TMEM132A: variants seen among roughly 807,000 people sequenced by gnomAD.
TMEM132A encodes GRP78-binding protein.
A neutral mutation model predicts 69.9 loss-of-function variants in TMEM132A; 48 were observed. That is an observed-to-expected ratio of 0.69 (90% CI 0.55 to 0.87). TMEM132A has a LOEUF of 0.87. Among genes scored for constraint, TMEM132A ranks in the 40% least tolerant of loss-of-function variants. The pLI, the probability that TMEM132A is intolerant of heterozygous loss-of-function variation, is 0.00. For synonymous variants in TMEM132A, 577 were observed against 613.7 expected (o/e 0.94, Z 0.88); for missense variants, 1,287 against 1,407.2 (o/e 0.91, Z 1.37).
chr11:60,932,194 T>G, intron 7 of TMEM132A, 67 bp downstream of exon 7: 1 of 1,470,578 alleles, frequency 6.8e-7, no homozygotes, highest in South Asian at 1.5e-5. Context: ...ACACACACCT[T>G]TCCTCCTTCC....
chr11:60,928,986 T>C, intron 4 of TMEM132A, 26 bp downstream of exon 4: 2 of 1,609,360 alleles, frequency 1.2e-6, no homozygotes, highest in Admixed American at 1.7e-5. Context: ...CGGGGATGGG[T>C]GAGGGTGGGA....
intron 6 of TMEM132A, 26 bp from the exon 7 acceptor site, chr11:60,931,958 G>C (rs1251775301): frequency 1.1e-5 from 18 of 1,612,438 alleles, no homozygotes; most frequent in Non-Finnish European, 1.4e-5. Flanking sequence ...GAGGGGCCTG[G>C]GGCTGAGCCC....
At position 60,936,777 on chromosome 11, in the gene TMEM132A, T is replaced by C; in HGVS notation, c.2942T>C (p.Val981Ala). Residue 981 changes from valine (V) to alanine (A), a missense_variant, in exon 11 of 11, where the codon GTA becomes GCA. By Grantham distance (64) the Val-to-Ala change is moderately conservative. Coordinates refer to ENST00000453848, the MANE Select transcript of TMEM132A (RefSeq NM_178031.3). ...CCAGCCCAGTCACCTGAGGAGCCTG[T>C]AGGGGCCCCTGCTGTGCAGTCCATC... The part of the protein sequence containing the change: ...APPAQSPEEP[V>A]GAPAVQSILV... The C allele has an allele frequency of 6.2e-7, 1 of 1,613,008 alleles. No individual in the cohort carries two copies. The highest frequency in any genetic ancestry group is 8.5e-7 in the Non-Finnish European group (1 of 1,179,610).
chr11:60,932,331 C>T (rs1272886969), intron 7 of TMEM132A: 2 of 549,528 alleles, frequency 3.6e-6, no homozygotes, highest in Admixed American at 3.8e-5. Context: ...AGCCCCCCGA[C>T]CTTAGACACT....
chr11:60,932,118 G>T lies in TMEM132A; in HGVS notation c.1347G>T (p.Gln449His), dbSNP rs760853384. ...TCGGCTGCGAGTCTGCCAACACACA[G>T]GTCCTGCAGGTGAGTGGCAGGTGCC... ...EHVGCESANTQVLQVSEACDA... is the reference protein window; with the variant it reads ...EHVGCESANTHVLQVSEACDA... The change falls in exon 7 of 11, where the codon CAG becomes CAT. Residue 449 changes from glutamine to histidine, a missense_variant. Coordinates refer to ENST00000453848, the MANE Select transcript of TMEM132A (RefSeq NM_178031.3). 2.0e-6 allele frequency: 3 copies of T among 1,536,442 alleles called. No homozygotes were observed. The highest frequency in any genetic ancestry group is 1.4e-5 in the African/African-American group (1 of 72,272).
intron 1 of TMEM132A, 80 bp downstream of exon 1, chr11:60,924,813 C>A: frequency 9.4e-7 from 1 of 1,063,228 alleles, no homozygotes. Context: ...GAGCCACCAA[C>A]CTTTGGGTTC....
chr11:60,935,161 G>A lies in TMEM132A; in HGVS notation c.1837-91G>A, dbSNP rs1856563035. 5.4e-6 allele frequency: 7 copies of A among 1,285,884 alleles called. No homozygotes were observed. In the Admixed American group the frequency reaches 1.3e-4, roughly 24 times the overall value. The allele number at this position is 1,285,884 out of a possible 1,614,324, so 79.7% of individuals were successfully genotyped here. A position where few individuals can be genotyped will look rare whatever the true frequency, so the allele number is the denominator to read the frequency against. On this transcript the variant is annotated intron_variant, in intron 9 of 10. Coordinates refer to ENST00000453848, the MANE Select transcript of TMEM132A (RefSeq NM_178031.3). The surrounding 1 kb of genome is among the most constrained non-coding windows in gnomAD (Gnocchi z 5.0). ...AGACCTCCCCCACCTCCGGAGGGCA[G>A]CCCGTGAGGGTGCTGGGAGCACCCG... is the stretch of plus-strand genomic sequence containing the variant.
chr11:60,930,411 A>G, intron 4 of TMEM132A, 99 bp from the exon 5 acceptor site: 1 of 1,381,424 alleles, frequency 7.2e-7, no homozygotes, highest in Non-Finnish European at 9.7e-7. Flanking sequence ...GACTGGAGCC[A>G]GGGAGGTCAG....
Position 60,934,529 on chromosome 11 carries a change from G to T in TMEM132A, c.1601G>T (p.Arg534Leu). The change falls in exon 9 of 11, where the codon CGG becomes CTG. Residue 534 changes from arginine (R) to leucine (L), a missense_variant. Arg to Leu is a moderately radical substitution (Grantham distance 102). Transcript: ENST00000453848. ...GCAGAGGCGTCGGATGAGGCCGAGC[G>T]GCGCGCCCGTGGCTGCCACCTGCAG... Reference protein sequence around the residue: ...PAAEASDEAERRARGCHLQYQ... With the variant: ...PAAEASDEAELRARGCHLQYQ... The T allele has an allele frequency of 6.9e-7, 1 of 1,457,670 alleles. No individual in the cohort carries two copies. The highest frequency in any genetic ancestry group is 9.0e-7 in the Non-Finnish European group (1 of 1,114,754). 90.3% of individuals were successfully genotyped at this position (1,457,670 alleles called of 1,614,324 possible). A position where few individuals can be genotyped will look rare whatever the true frequency, so the allele number is the denominator to read the frequency against.
intron 8 of TMEM132A, chr11:60,933,984 C>A: frequency 1.7e-6 from 1 of 573,392 alleles, no homozygotes; most frequent in Middle Eastern, 4.6e-4. Context: ...CCTCCACTTC[C>A]TAATCTACGT....
rs1271089384 is a variant in TMEM132A at position 60,933,599 on chromosome 11, G to A, written c.1414G>A (p.Gly472Arg). 1 of 1,607,222 alleles carries A rather than the reference G, an allele frequency of 6.2e-7. No homozygotes were observed. The highest frequency in any genetic ancestry group is 2.2e-5 in the East Asian group (1 of 44,862). ...VAGKESRGAR[G>R]VRVDFWWRRL... ...TGGCAAGGAGAGCCGGGGCGCCCGGGGGGTGCGAGTGGACTTCTGGTGGCG... is the reference window on the plus strand; with the variant it reads ...TGGCAAGGAGAGCCGGGGCGCCCGGAGGGTGCGAGTGGACTTCTGGTGGCG... Residue 472 changes from glycine (G) to arginine (R), a missense_variant, in exon 8 of 11, where the codon GGG becomes AGG. Physicochemically the swap from Gly to Arg is moderately radical, Grantham distance 125. Transcript: ENST00000453848.
At chr11:60,933,817 G>A (rs192870388) in intron 8 of TMEM132A, 73 bp downstream of exon 8, 2 of 1,382,516 alleles carry the variant, frequency 1.4e-6, no homozygotes, top group East Asian at 2.6e-5. Context: ...AGGGGACACA[G>A]CCATGGGCCC....
chr11:60,936,948 A>C lies in TMEM132A; in HGVS notation c.*41A>C. On this transcript the variant is annotated 3_prime_UTR_variant, in exon 11 of 11. Transcript: ENST00000453848. Reference sequence around the variant, plus strand: ...TGGTCAGCCACCAGCTGGGGCAACGAGGGTGGAGGTCCCACTGAGCCTCTC... The same window carrying C: ...TGGTCAGCCACCAGCTGGGGCAACGCGGGTGGAGGTCCCACTGAGCCTCTC... The C allele has an allele frequency of 6.8e-7, 1 of 1,480,668 alleles. No homozygotes were observed. Among genetic ancestry groups the C allele is most frequent in the Non-Finnish European group, 9.0e-7 (1 of 1,111,118 alleles). 91.7% of individuals were successfully genotyped at this position (1,480,668 alleles called of 1,614,324 possible). A position where few individuals can be genotyped will look rare whatever the true frequency, so the allele number is the denominator to read the frequency against.
Position 60,933,720 on chromosome 11 carries a change from G to A in TMEM132A, c.1535G>A (p.Trp512Ter), listed in dbSNP as rs1306325364. Residue 512 changes from tryptophan to a stop codon, truncating the protein, a stop_gained, in exon 8 of 11, where the codon TGG (tryptophan) becomes TAG (stop). Coordinates refer to ENST00000453848, the MANE Select transcript of TMEM132A (RefSeq NM_178031.3). LOFTEE classifies it high-confidence loss of function. ...TDTTLEQVRGWRVPGPAEGPA... is the reference protein window; with the variant it reads ...TDTTLEQVRG ...ACCACCCTCGAGCAGGTCCGCGGCT[G>A]GAGGGTACCTGGCCCTGCTGAAGGG... 2 of 1,588,560 alleles carry A rather than the reference G, an allele frequency of 1.3e-6. No homozygotes were observed. Among genetic ancestry groups the A allele is most frequent in the Non-Finnish European group, 1.7e-6 (2 of 1,168,890 alleles).
intron 1 of TMEM132A, chr11:60,925,370 AG>A (rs1856327573): frequency 6.6e-6 from 1 of 152,366 alleles, no homozygotes; most frequent in Admixed American, 6.5e-5. Context: ...TGCAAGGCAA[AG>A]GATGCCACAG....
rs371074568 is a variant in TMEM132A, at chr11:60,935,292, C to T, written c.1877C>T (p.Ala626Val). The change falls in exon 10 of 11, where the codon GCG becomes GTG. Residue 626 changes from alanine to valine, a missense_variant. Ala to Val is a moderately conservative substitution (Grantham distance 64). Transcript: ENST00000453848. The surrounding 1 kb of genome is among the most constrained non-coding windows in gnomAD (Gnocchi z 5.0). Reference sequence around the variant, plus strand: ...TCTGACTCCATCCTGGGGGAGCAGGCGCTGGCTGTGACGGACGACAAGGTC... The same window carrying T: ...TCTGACTCCATCCTGGGGGAGCAGGTGCTGGCTGTGACGGACGACAAGGTC... ...PLSDSILGEQ[A>V]LAVTDDKVSV... is the part of the protein sequence containing the mutation. The T allele has an allele frequency of 8.8e-5, 142 of 1,612,466 alleles. No individual in the cohort carries two copies. The highest frequency in any genetic ancestry group is 8.8e-5 in the Non-Finnish European group (104 of 1,179,654).
rs771049171 is a variant in TMEM132A at position 60,927,272 on chromosome 11, G to C, written c.169G>C (p.Glu57Gln). Reference protein sequence around the residue: ...PAALELLDAPEHFRVQQVGHY... With the variant: ...PAALELLDAPQHFRVQQVGHY... ...AGCCCTGGAGCTCCTAGACGCCCCTGAACACTTCCGTGTGCAGCAGGTGGG... is the reference window on the plus strand; with the variant it reads ...AGCCCTGGAGCTCCTAGACGCCCCTCAACACTTCCGTGTGCAGCAGGTGGG... Residue 57 changes from glutamate to glutamine, a missense_variant, in exon 2 of 11, where the codon GAA becomes CAA. Transcript: ENST00000453848. The C allele has an allele frequency of 2.5e-6, 4 of 1,613,480 alleles. No individual in the cohort carries two copies. Among genetic ancestry groups the C allele is most frequent in the Non-Finnish European group, 3.4e-6 (4 of 1,179,968 alleles).
rs201337516 is a variant in TMEM132A at position 60,936,583 on chromosome 11, G to A, written c.2748G>A (p.Pro916=). Residue 916 remains proline (P), a synonymous_variant, in exon 11 of 11, where the codon CCG becomes CCA. Transcript: ENST00000453848. The part of the protein sequence containing the change: ...SRQLDRQSPG[P]PKGEGSCPCE... ...AGCTGGACCGGCAGTCCCCTGGCCC[G>A]CCCAAGGGGGAGGGGAGCTGCCCCT... 3.2e-4 allele frequency: 511 copies of A among 1,600,084 alleles called. No homozygotes were observed. In the African/African-American group the frequency reaches 5.3e-3, roughly 17 times the overall value.
chr11:60,933,417 C>T, intron 7 of TMEM132A, 125 bp from the exon 8 acceptor site: 1 of 728,564 alleles, frequency 1.4e-6, no homozygotes, highest in Non-Finnish European at 2.2e-6. Flanking sequence ...CTCCTGGACT[C>T]AAGCGATCCA....
Sources: gnomAD v4.1 joint callset for allele counts on GRCh38, gnomAD v4.1.1 for gene constraint, Gnocchi (gnomAD v3.1) non-coding constraint, MANE v1.5 for transcripts, NCBI Gene and HGNC (gene_info 2026-07-23, HGNC 2026-07-21) for gene names.